Variants in MACROD2 observed in about 807,000 individuals in gnomAD.
MACROD2 encodes the protein ADP-ribose glycohydrolase MACROD2.
MACROD2 carries 36 observed loss-of-function variants against 70.4 expected under a neutral mutation model. That is an observed-to-expected ratio of 0.51 (90% CI 0.39 to 0.68). The LOEUF (loss-of-function observed/expected upper bound fraction) is 0.68. MACROD2 is among the 30% of genes least tolerant of loss of function. The pLI is 0.00. For missense variants in MACROD2, 496 were observed against 538.4 expected (o/e 0.92, Z 0.78); for synonymous variants, 172 against 178.8 (o/e 0.96, Z 0.30).
At chr20:14,698,863 C>T (rs532083774) in intron 5 of MACROD2, among the ~76,000 whole-genome samples, 45 of 150,614 alleles carry the variant, frequency 3.0e-4, no homozygotes, top group African/African-American at 1.0e-3. Flanking sequence ...AAGAACTAGC[C>T]TAAGAGTACT....
chr20:14,680,386 G>C (rs2070917533), intron 4 of MACROD2, among the ~76,000 whole-genome samples: 1 of 152,080 alleles, frequency 6.6e-6, no homozygotes. Flanking sequence ...CTAACATCTT[G>C]GGTTTTCCGC....
At chr20:15,639,322 G>C (rs1188424937) in intron 8 of MACROD2, among the ~76,000 whole-genome samples, 3 of 152,208 alleles carry the variant, frequency 2.0e-5, no homozygotes, top group Admixed American at 2.0e-4. Flanking sequence ...AATCAGAACT[G>C]CTCACGACCT....
At chr20:14,643,988 A>T (rs892565047) in intron 4 of MACROD2, among the ~76,000 whole-genome samples, 1 of 152,206 alleles carries the variant, frequency 6.6e-6, no homozygotes, top group Non-Finnish European at 1.5e-5. Flanking sequence ...AACTGATAAG[A>T]TTATTATGTG....
At chr20:14,545,010 G>T (rs993789595) in intron 4 of MACROD2, among the ~76,000 whole-genome samples, 5 of 152,162 alleles carry the variant, frequency 3.3e-5, no homozygotes, top group Admixed American at 3.3e-4. Context: ...AGGGCATATG[G>T]GTGGAGCACT....
chr20:14,244,793 T>C (rs77170225), intron 3 of MACROD2, among the ~76,000 whole-genome samples: 1 of 152,210 alleles, frequency 6.6e-6, no homozygotes, highest in African/African-American at 2.4e-5. Flanking sequence ...GTGATATTAC[T>C]TGGCTCTTTG....
At chr20:15,682,170 G>A (rs932450553) in intron 8 of MACROD2, among the ~76,000 whole-genome samples, 4 of 152,148 alleles carry the variant, frequency 2.6e-5, no homozygotes, top group African/African-American at 9.7e-5. Context: ...ATTTATCAGG[G>A]CAGATCCAGT....
intron 4 of MACROD2, among the ~76,000 whole-genome samples, chr20:14,591,012 A>C (rs546813721): frequency 1.3e-5 from 2 of 152,164 alleles, no homozygotes; most frequent in African/African-American, 4.8e-5. Flanking sequence ...ATACATTTTG[A>C]TGTTATACGA....
intron 3 of MACROD2, among the ~76,000 whole-genome samples, chr20:14,185,542 G>A (rs2081337710): frequency 6.6e-6 from 1 of 151,994 alleles, no homozygotes; most frequent in South Asian, 2.1e-4. Flanking sequence ...GCTGAGGATG[G>A]AAAAATAGGT....
intron 8 of MACROD2, among the ~76,000 whole-genome samples, chr20:15,672,348 TACACACACACACAC>T (rs3071295): frequency 4.9e-5 from 7 of 141,860 alleles, no homozygotes; most frequent in South Asian, 2.4e-4. Context: ...TGTTCTATTT[TACACACACACACAC>T]ACACACACAC....
chr20:14,731,416 C>T (rs1009685674), intron 5 of MACROD2, among the ~76,000 whole-genome samples: 5 of 152,160 alleles, frequency 3.3e-5, no homozygotes, highest in East Asian at 1.9e-4. Flanking sequence ...CCAGGAAGCC[C>T]TTCCAACGTA....
chr20:15,771,705 T>A (rs953123234), intron 8 of MACROD2, among the ~76,000 whole-genome samples: 3 of 151,966 alleles, frequency 2.0e-5, no homozygotes, highest in Admixed American at 2.0e-4. Context: ...AGATGTAATT[T>A]TGAGATTGTT....
chr20:14,565,553 T>G (rs1841171382), intron 4 of MACROD2, among the ~76,000 whole-genome samples: 1 of 151,854 alleles, frequency 6.6e-6, no homozygotes, highest in Middle Eastern at 3.4e-3. Context: ...CTCGGAAAAT[T>G]CCTCTAGATT....
chr20:15,977,507 A>G (rs956834952), intron 13 of MACROD2, among the ~76,000 whole-genome samples: 3 of 152,228 alleles, frequency 2.0e-5, no homozygotes, highest in Admixed American at 6.5e-5. Context: ...ACAAGACTTT[A>G]CCTTGTTGTT....
chr20:15,858,260 C>CA (rs1258919063), intron 8 of MACROD2, among the ~76,000 whole-genome samples: 1 of 148,140 alleles, frequency 6.8e-6, no homozygotes, highest in Non-Finnish European at 1.5e-5. Context: ...CACTATTTCA[C>CA]AAAATTATTT....
At chr20:14,380,546 C>T (rs1416292901) in intron 3 of MACROD2, among the ~76,000 whole-genome samples, 1 of 151,942 alleles carries the variant, frequency 6.6e-6, no homozygotes, top group Non-Finnish European at 1.5e-5. Flanking sequence ...AGTTTAAGGT[C>T]TTATATTTAA....
In MACROD2 at chr20:14,855,597, GTTTTTTTTTT is replaced by G. The variant is rs71190156; in HGVS notation, c.418+170659_418+170668del. ...TTCAGAATTTTAGTGATCCTACCAA[GTTTTTTTTTT>G]TTTTTTTTTTTTTTTTTTTTAATAA... On this transcript the variant is annotated intron_variant, in intron 5 of 17. Coordinates refer to ENST00000684519, the MANE Select transcript of MACROD2 (RefSeq NM_001351661.2). 5.2e-5 allele frequency among the ~76,000 whole-genome samples: 4 copies of G among 77,234 alleles called. No individual in the cohort carries two copies. The East Asian group carries it at 1.7e-3, about 32-fold the overall frequency. The allele number at this position is 77,234 out of a possible 152,430, so 50.7% of individuals were successfully genotyped here.
chr20:14,943,979 T>C (rs1023222808), intron 5 of MACROD2, among the ~76,000 whole-genome samples: 1 of 152,198 alleles, frequency 6.6e-6, no homozygotes, highest in African/African-American at 2.4e-5. Flanking sequence ...TACTATCATA[T>C]GGTAAAATCT....
chr20:15,682,225 G>T (rs183620629), intron 8 of MACROD2, among the ~76,000 whole-genome samples: 3 of 152,134 alleles, frequency 2.0e-5, no homozygotes, highest in Non-Finnish European at 4.4e-5. Context: ...AAAGAGAAAC[G>T]TAAAAGTAGG....
chr20:15,436,722 CT>C (rs11087136), intron 7 of MACROD2, among the ~76,000 whole-genome samples: 98,398 of 151,742 alleles, frequency 0.65, 33,073 homozygotes, highest in African/African-American at 0.81. Flanking sequence ...TTTCTTTCAT[CT>C]TTTTTTTATT....
Sources: allele counts gnomAD v4.1 joint callset (sites outside exome capture counted in the v4.1 genomes callset), GRCh38; gene constraint gnomAD v4.1.1; transcripts MANE v1.5; gene names NCBI Gene and HGNC (gene_info 2026-07-23, HGNC 2026-07-21).